LRGUK: variants seen among roughly 807,000 people sequenced by gnomAD.
LRGUK encodes the protein leucine-rich repeat and guanylate kinase domain-containing protein.
A neutral mutation model predicts 76.0 loss-of-function variants in LRGUK; 65 were observed. The observed-to-expected ratio is 0.85, with a 90% CI of 0.70 to 1.05. The LOEUF (loss-of-function observed/expected upper bound fraction) is 1.05. LRGUK is among the 50% of genes least tolerant of loss of function. The pLI is 0.00. For synonymous variants in LRGUK, 268 were observed against 265.6 expected, an observed-to-expected ratio of 1.01 and a Z score of -0.09; for missense variants, 758 against 732.8, an observed-to-expected ratio of 1.03 and a Z score of -0.40.
chr7:134,185,061 C>A (rs977112131), intron 11 of LRGUK, among the ~76,000 whole-genome samples: 1 of 152,220 alleles, frequency 6.6e-6, no homozygotes, highest in Non-Finnish European at 1.5e-5. Context: ...GGAGAAGGGG[C>A]AGCAAGTTTT....
chr7:134,271,725 A>G, the LRGUK span, among the ~76,000 whole-genome samples: 3 of 151,964 alleles, frequency 2.0e-5, no homozygotes, highest in African/African-American at 7.2e-5. Flanking sequence ...GGTTTTCATT[A>G]ATTTCTTCAA....
exon 16 of LRGUK, chr7:134,209,758 C>T (rs1377337836): frequency 7.5e-6 from 3 of 399,782 alleles, no homozygotes; most frequent in Non-Finnish European, 1.3e-5. Context: ...ATCTGAGCCC[C>T]CAGGCAGCCC....
intron 6 of LRGUK, among the ~76,000 whole-genome samples, chr7:134,160,282 T>A (rs749950010): frequency 1.3e-5 from 2 of 152,208 alleles, no homozygotes; most frequent in Non-Finnish European, 2.9e-5. Flanking sequence ...GATAGTTCTG[T>A]CTCAAGTAGC....
At chr7:134,253,035 A>G (rs1802485645) in intron 18 of LRGUK, among the ~76,000 whole-genome samples, 1 of 152,194 alleles carries the variant, frequency 6.6e-6, no homozygotes, top group African/African-American at 2.4e-5. Context: ...TCCTATTGCC[A>G]GGTACGAATC....
At chr7:134,253,851 G>A (rs180861145) in intron 18 of LRGUK, among the ~76,000 whole-genome samples, 31 of 152,282 alleles carry the variant, frequency 2.0e-4, no homozygotes, top group Non-Finnish European at 3.7e-4. Context: ...GAGACAGCAC[G>A]TTGATTAAAA....
intron 9 of LRGUK, 59 bp downstream of exon 9, chr7:134,177,122 C>T (rs76023497): frequency 7.8e-5 from 77 of 985,604 alleles, no homozygotes; most frequent in Non-Finnish European, 9.9e-5. Context: ...CTCAAAAGCT[C>T]GTGTTGCCTG....
At chr7:134,163,787 C>T (rs1219310522) in intron 7 of LRGUK, among the ~76,000 whole-genome samples, 3 of 152,112 alleles carry the variant, frequency 2.0e-5, no homozygotes, top group South Asian at 2.1e-4. Context: ...ACTGCAACCA[C>T]GTGTGGATGA....
intron 6 of LRGUK, among the ~76,000 whole-genome samples, chr7:134,162,826 CAAAAAAAAAAAA>C (rs11445116): frequency 1.1e-4 from 7 of 61,178 alleles, no homozygotes; most frequent in Admixed American, 2.2e-4. Context: ...GACTCCTTCT[CAAAAAAAAAAAA>C]AAAAAAAAAA....
intron 1 of LRGUK, among the ~76,000 whole-genome samples, chr7:134,132,173 C>T (rs937963713): frequency 4.0e-5 from 6 of 151,892 alleles, no homozygotes; most frequent in Non-Finnish European, 7.4e-5. Context: ...ATAATAAGAC[C>T]CTGTCTCTAT....
At chr7:134,173,423 G>T (rs942986410) in intron 7 of LRGUK, among the ~76,000 whole-genome samples, 2 of 152,182 alleles carry the variant, frequency 1.3e-5, no homozygotes, top group African/African-American at 4.8e-5. Context: ...AATGATTGGA[G>T]AAAAATAGAA....
At chr7:134,242,916 G>C (rs13307042) in intron 16 of LRGUK, among the ~76,000 whole-genome samples, 10,982 of 151,978 alleles carry the variant, frequency 0.072, 973 homozygotes, top group African/African-American at 0.2. Flanking sequence ...AATCAATAAA[G>C]GTAATCCATC....
At chr7:134,157,327 G>A (rs1798511843) in intron 5 of LRGUK, among the ~76,000 whole-genome samples, 1 of 152,174 alleles carries the variant, frequency 6.6e-6, no homozygotes, top group African/African-American at 2.4e-5. Context: ...CAGTTATGAG[G>A]ATGATAATGC....
chr7:134,161,197 G>C (rs1214161162), intron 6 of LRGUK, among the ~76,000 whole-genome samples: 1 of 152,134 alleles, frequency 6.6e-6, no homozygotes, highest in African/African-American at 2.4e-5. Flanking sequence ...GCATTTCAGA[G>C]TTCTTTAGAA....
downstream of LRGUK, chr7:134,210,352 C>G: frequency 2.5e-6 from 1 of 398,348 alleles, no homozygotes. Context: ...CACGCCGAGC[C>G]ATCACCTAAG....
chr7:134,182,375 T>A (rs1442963729), intron 10 of LRGUK, among the ~76,000 whole-genome samples: 1 of 152,186 alleles, frequency 6.6e-6, no homozygotes, highest in East Asian at 1.9e-4. Flanking sequence ...AGGTACCCAG[T>A]GGCTGTTTTG....
intron 5 of LRGUK, among the ~76,000 whole-genome samples, chr7:134,154,850 T>C (rs189332460): frequency 6.6e-6 from 1 of 152,356 alleles, no homozygotes; most frequent in East Asian, 1.9e-4. Context: ...CCAAGGGAAC[T>C]GTGGTTAGCC....
intron 16 of LRGUK, among the ~76,000 whole-genome samples, chr7:134,228,710 G>C (rs1801819820): frequency 6.6e-6 from 1 of 151,948 alleles, no homozygotes; most frequent in Admixed American, 6.6e-5. Context: ...AGTCAAGAAG[G>C]GTATAAATGG....
chr7:134,133,880 T>C (rs1166588315), intron 1 of LRGUK, among the ~76,000 whole-genome samples: 1 of 151,764 alleles, frequency 6.6e-6, no homozygotes, highest in Non-Finnish European at 1.5e-5. Flanking sequence ...GGCAACATGG[T>C]GAAACCCTGC....
chr7:134,133,066 A>G (rs930226936), intron 1 of LRGUK, among the ~76,000 whole-genome samples: 3 of 152,126 alleles, frequency 2.0e-5, no homozygotes, highest in Non-Finnish European at 2.9e-5. Context: ...CAGGATGCAG[A>G]GTTGTGGGGT....
Sources: gnomAD v4.1 joint callset for allele counts (sites outside exome capture counted in the v4.1 genomes callset) on GRCh38, gnomAD v4.1.1 for gene constraint, MANE v1.5 for transcripts, NCBI Gene and HGNC (gene_info 2026-07-23, HGNC 2026-07-21) for gene names.